The following UGT8 variants were observed in gnomAD, a reference collection of about 807,000 sequenced individuals.
UGT8 encodes 2-hydroxyacylsphingosine 1-beta-galactosyltransferase.
Under a neutral mutation model 40.5 loss-of-function variants are expected in UGT8, and 12 were observed. The observed-to-expected ratio is 0.30, with a 90% CI of 0.19 to 0.48. The LOEUF (loss-of-function observed/expected upper bound fraction) is 0.48, where lower values mean the gene tolerates loss of function less well. Among genes scored for constraint, UGT8 ranks in the 20% least tolerant of loss-of-function variants. The pLI is 0.99. For synonymous variants in UGT8, 224 were observed against 240.4 expected, an observed-to-expected ratio of 0.93 and a Z score of 0.63; for missense variants, 513 against 648.7, an observed-to-expected ratio of 0.79 and a Z score of 2.27.
chr4:114,630,247 C>T (rs1005356379), intron 2 of UGT8, among the ~76,000 whole-genome samples: 3 of 152,020 alleles, frequency 2.0e-5, no homozygotes, highest in Non-Finnish European at 2.9e-5. Context: ...GTACAAAATA[C>T]CAAAATGGAA....
chr4:114,611,963 C>T (rs1262982552), intron 1 of UGT8, among the ~76,000 whole-genome samples: 1 of 152,046 alleles, frequency 6.6e-6, no homozygotes, highest in Non-Finnish European at 1.5e-5. Context: ...ACAAGACCTC[C>T]AGGTGATTGT....
intron 1 of UGT8, among the ~76,000 whole-genome samples, chr4:114,607,352 G>A (rs1175035974): frequency 6.6e-6 from 1 of 152,144 alleles, no homozygotes; most frequent in African/African-American, 2.4e-5. Flanking sequence ...CCTTTAAGTA[G>A]TCTTTCTGTA....
intron 1 of UGT8, among the ~76,000 whole-genome samples, chr4:114,609,126 GGT>G (rs1487093305): frequency 6.6e-6 from 1 of 152,260 alleles, no homozygotes; most frequent in East Asian, 1.9e-4. Flanking sequence ...CAGCTACTCT[GGT>G]GGCTGAGATG....
chr4:114,618,170 T>G (rs199618864), intron 1 of UGT8, among the ~76,000 whole-genome samples: 1 of 152,226 alleles, frequency 6.6e-6, no homozygotes, highest in East Asian at 1.9e-4. Flanking sequence ...GATAAAAATA[T>G]AGTGTAATTA....
At position 114,638,567 on chromosome 4, in the gene UGT8, T is replaced by A. The variant is rs115878100; in HGVS notation, c.822+14865T>A. On this transcript the variant is annotated intron_variant, in intron 2 of 5. Transcript: ENST00000310836. ...GCTCATTTCATTTCTTTCCATAGTA[T>A]TTTATTGAAGGTCACCACGTGTGAG... 7.2e-3 allele frequency among the ~76,000 whole-genome samples: 1,100 copies of A among 152,324 alleles called. 16 individuals are homozygous for A. Among genetic ancestry groups the A allele is most frequent in the African/African-American group, 0.025 (1,019 of 41,564 alleles).
chr4:114,668,049 A>T (rs1244946849), intron 4 of UGT8, 36 bp from the exon 5 acceptor site: 5 of 1,605,230 alleles, frequency 3.1e-6, no homozygotes, highest in Non-Finnish European at 4.3e-6. Flanking sequence ...TAGAGTAATA[A>T]TGTTGTAAGT....
chr4:114,657,307 C>T (rs975280891), intron 2 of UGT8, among the ~76,000 whole-genome samples: 1 of 152,066 alleles, frequency 6.6e-6, no homozygotes, highest in African/African-American at 2.4e-5. Flanking sequence ...TGTAACTGTA[C>T]TGGCAAAATT....
At chr4:114,659,973 A>G (rs183718927) in intron 2 of UGT8, among the ~76,000 whole-genome samples, 3 of 152,352 alleles carry the variant, frequency 2.0e-5, no homozygotes, top group East Asian at 3.9e-4. Flanking sequence ...TAAATAACTA[A>G]TGTTGACAAG....
chr4:114,625,872 G>A (rs1478860405), intron 2 of UGT8, among the ~76,000 whole-genome samples: 3 of 152,088 alleles, frequency 2.0e-5, no homozygotes, highest in Admixed American at 2.0e-4. Context: ...TTTGACACTG[G>A]CTTGACTTTC....
At chr4:114,618,092 T>C (rs1224396689) in intron 1 of UGT8, among the ~76,000 whole-genome samples, 1 of 152,174 alleles carries the variant, frequency 6.6e-6, no homozygotes, top group African/African-American at 2.4e-5. Flanking sequence ...CTTAGTGTTA[T>C]GTTACAAGTA....
chr4:114,676,665 T>TTG lies in UGT8; in HGVS notation c.*395_*396dup, dbSNP rs149001721. The TTG allele has an allele frequency of 0.029, 4,379 of 150,630 alleles. 88 individuals are homozygous for TTG. The highest frequency in any genetic ancestry group is 0.043 in the Non-Finnish European group (3,134 of 72,316). 9.3% of individuals were successfully genotyped at this position (150,630 alleles called of 1,614,324 possible). On this transcript the variant is annotated 3_prime_UTR_variant, in exon 6 of 6. Transcript: ENST00000310836. Reference sequence around the variant, plus strand: ...TATGTGTGTGTGTGTGTGTGTGTGTTTGTGTGTGTGTGTGTGTGTCCTAAT... The same window carrying TTG: ...TATGTGTGTGTGTGTGTGTGTGTGTTTGTGTGTGTGTGTGTGTGTGTCCTAAT...
chr4:114,601,835 T>G (rs1264656084), intron 1 of UGT8, among the ~76,000 whole-genome samples: 2 of 150,266 alleles, frequency 1.3e-5, no homozygotes, highest in Non-Finnish European at 3.0e-5. Flanking sequence ...TTATGTTTTT[T>G]TTTTTTTTCT....
chr4:114,618,625 A>C (rs1731582549), intron 1 of UGT8, among the ~76,000 whole-genome samples: 1 of 152,218 alleles, frequency 6.6e-6, no homozygotes, highest in African/African-American at 2.4e-5. Context: ...TGTTCTAAAC[A>C]TTCCAAAAAT....
intron 1 of UGT8, among the ~76,000 whole-genome samples, chr4:114,619,842 G>C (rs2126095349): frequency 6.6e-6 from 1 of 151,838 alleles, no homozygotes; most frequent in East Asian, 1.9e-4. Flanking sequence ...GTATTTCTGA[G>C]ATATCATTTG....
intron 1 of UGT8, among the ~76,000 whole-genome samples, chr4:114,605,820 A>G (rs897443442): frequency 6.6e-6 from 1 of 152,184 alleles, no homozygotes; most frequent in East Asian, 1.9e-4. Context: ...TAGGGCAAAC[A>G]TTTAACACTT....
At chr4:114,612,789 C>A (rs1427742758) in intron 1 of UGT8, among the ~76,000 whole-genome samples, 1 of 152,096 alleles carries the variant, frequency 6.6e-6, no homozygotes, top group Non-Finnish European at 1.5e-5. Flanking sequence ...GGGCCCTACC[C>A]TACGTCTACT....
rs1380313756 is a variant in UGT8, at chr4:114,678,212, T to A, written c.*1924T>A. The A allele has an allele frequency of 6.6e-6, 1 of 152,200 alleles. No homozygotes were observed. Among genetic ancestry groups the A allele is most frequent in the Non-Finnish European group, 1.5e-5 (1 of 68,030 alleles). 9.4% of individuals were successfully genotyped at this position (152,200 alleles called of 1,614,324 possible). A position where few individuals can be genotyped will look rare whatever the true frequency, so the allele number is the denominator to read the frequency against. On this transcript the variant is annotated 3_prime_UTR_variant, in exon 6 of 6. Transcript: ENST00000310836. ...GTGATAAAAACTTAAATAATAAACA[T>A]GATTTAAAATAGAGAAGTGTTGTTG...
chr4:114,601,262 T>G (rs561528545), intron 1 of UGT8, among the ~76,000 whole-genome samples: 50 of 152,346 alleles, frequency 3.3e-4, no homozygotes, highest in African/African-American at 1.1e-3. Flanking sequence ...CCCAATAATT[T>G]AAATTAAAAC....
chr4:114,657,611 T>G (rs1197395485), intron 2 of UGT8, among the ~76,000 whole-genome samples: 1 of 152,204 alleles, frequency 6.6e-6, no homozygotes, highest in African/African-American at 2.4e-5. Context: ...TTATGTATTT[T>G]AAACAACTTT....
Sources: allele counts gnomAD v4.1 joint callset (sites outside exome capture counted in the v4.1 genomes callset), GRCh38; gene constraint gnomAD v4.1.1; transcripts MANE v1.5; gene names NCBI Gene and HGNC (gene_info 2026-07-23, HGNC 2026-07-21).